Variants in COL4A4 observed in about 807,000 individuals in gnomAD.
COL4A4 encodes the protein collagen type IV alpha 4 chain.
A neutral mutation model predicts 192.9 loss-of-function variants in COL4A4; 105 were observed. The observed-to-expected ratio is 0.54, with a 90% CI of 0.46 to 0.64. The LOEUF is 0.64. COL4A4 is among the 30% of genes least tolerant of loss of function. The pLI is 0.00. For synonymous variants in COL4A4, 762 were observed against 769.9 expected, an observed-to-expected ratio of 0.99 and a Z score of 0.17; for missense variants, 1,967 against 2,169.3, an observed-to-expected ratio of 0.91 and a Z score of 1.85.
rs2059121113 is a variant in COL4A4 at position 227,077,929 on chromosome 2, C to T, written c.1952G>A (p.Gly651Asp). The part of the protein sequence containing the change: ...RGHPGVPGHP[G>D]VRGPDGLKGQ... ...CTTCAAGCCATCAGGGCCCCTCACA[C>T]CTGGGTGGCCTGGAACTCCTGGGTG... is the stretch of plus-strand genomic sequence containing the variant. The change falls in exon 25 of 48, where the codon GGT becomes GAT. Residue 651 changes from glycine (G) to aspartate (D), a missense_variant. Physicochemically the swap from Gly to Asp is moderately conservative, Grantham distance 94. Transcript: ENST00000396625. The T allele has an allele frequency of 1.2e-6, 2 of 1,613,552 alleles. No individual in the cohort carries two copies. Among genetic ancestry groups the T allele is most frequent in the Non-Finnish European group, 8.5e-7 (1 of 1,180,004 alleles).
At chr2:227,048,406 T>C (rs58248295) in intron 34 of COL4A4, among the ~76,000 whole-genome samples, 8,441 of 152,202 alleles carry the variant, frequency 0.055, 752 homozygotes, top group African/African-American at 0.19. Context: ...AAGTGAGAAT[T>C]TGAAGTCCTT....
At chr2:227,107,163 G>A (rs2060895891) in intron 12 of COL4A4, among the ~76,000 whole-genome samples, 2 of 152,134 alleles carry the variant, frequency 1.3e-5, no homozygotes, top group African/African-American at 4.8e-5. Flanking sequence ...ATTTCTACAA[G>A]CCAGAGATCT....
rs911661371 is a variant in COL4A4 at position 227,066,100 on chromosome 2, C to A, written c.1988-3502G>T. Among the ~76,000 whole-genome samples the A allele has an allele frequency of 2.6e-5, 4 of 152,182 alleles. 1 individual carries two copies. The East Asian group carries it at 5.8e-4, about 22-fold the overall frequency. On this transcript the variant is annotated intron_variant, in intron 25 of 47. Coordinates refer to ENST00000396625, the MANE Select transcript of COL4A4 (RefSeq NM_000092.5). ...AATGCAGAAGCCTCAGGAGCCGATGCGATCAACTGGAACAAAGGGTATCAG... is the reference window on the plus strand; with the variant it reads ...AATGCAGAAGCCTCAGGAGCCGATGAGATCAACTGGAACAAAGGGTATCAG...
intron 24 of COL4A4, among the ~76,000 whole-genome samples, chr2:227,079,887 C>A (rs1168105675): frequency 6.6e-6 from 1 of 152,172 alleles, no homozygotes; most frequent in Non-Finnish European, 1.5e-5. Flanking sequence ...TCATCCTCTT[C>A]TTTTATGACC....
chr2:227,019,418 C>T (rs577609667), intron 44 of COL4A4, among the ~76,000 whole-genome samples: 6 of 152,156 alleles, frequency 3.9e-5, no homozygotes, highest in Non-Finnish European at 7.3e-5. Flanking sequence ...AGTTCCTGGA[C>T]CAGGACCACA....
At chr2:227,046,854 A>G (rs1247580204) in intron 35 of COL4A4, among the ~76,000 whole-genome samples, 1 of 152,014 alleles carries the variant, frequency 6.6e-6, no homozygotes, top group Admixed American at 6.6e-5. Context: ...ACAAGAACTC[A>G]ATGGTGCATC....
the COL4A4 span, among the ~76,000 whole-genome samples, chr2:226,978,944 G>T: frequency 6.6e-6 from 1 of 152,170 alleles, no homozygotes; most frequent in Non-Finnish European, 1.5e-5. Context: ...GTTTAGGGTT[G>T]TGTTAGAGTT....
Position 227,094,110 on chromosome 2 carries a change from TAAG to T in COL4A4, c.1369+12_1369+14del, listed in dbSNP as rs769524213. On this transcript the variant is annotated intron_variant, in intron 20 of 47. Transcript: ENST00000396625. ...CAGCATAAATGCTAATGGATATGAA[TAAG>T]GAGTACTTTACCACTTGATCCTGGG... 1 of 1,611,602 alleles carries T rather than the reference TAAG, an allele frequency of 6.2e-7. No homozygotes were observed. Among genetic ancestry groups the T allele is most frequent in the Non-Finnish European group, 8.5e-7 (1 of 1,178,082 alleles).
downstream of COL4A4, chr2:226,999,268 A>C (rs1426965512): frequency 6.6e-6 from 1 of 152,116 alleles, no homozygotes; most frequent in Non-Finnish European, 1.5e-5. Context: ...CCTGGTGCTT[A>C]TTGATATCAT....
the COL4A4 span, chr2:226,988,573 A>C: frequency 2.9e-6 from 4 of 1,383,384 alleles, no homozygotes; most frequent in Non-Finnish European, 3.7e-6. Context: ...TGGAATCTGC[A>C]TCAGAAACAT....
At chr2:227,132,814 G>T (rs1218458368) in intron 4 of COL4A4, among the ~76,000 whole-genome samples, 1 of 152,070 alleles carries the variant, frequency 6.6e-6, no homozygotes, top group African/African-American at 2.4e-5. Context: ...GTGTTATAGA[G>T]AAATAAGCAC....
intron 38 of COL4A4, 116 bp downstream of exon 38, chr2:227,033,292 GTT>G: frequency 2.4e-6 from 2 of 839,574 alleles, no homozygotes; most frequent in East Asian, 5.2e-5. Flanking sequence ...ACCTAAGCCA[GTT>G]TTTTTCAGTT....
intron 7 of COL4A4, among the ~76,000 whole-genome samples, chr2:227,116,381 G>T (rs753770584): frequency 4.6e-5 from 7 of 152,164 alleles, no homozygotes; most frequent in Non-Finnish European, 7.4e-5. Flanking sequence ...TGGGACTAAT[G>T]GGTCAGTTTC....
At chr2:227,011,167 C>A (rs1963613121) in intron 45 of COL4A4, among the ~76,000 whole-genome samples, 1 of 152,182 alleles carries the variant, frequency 6.6e-6, no homozygotes, top group East Asian at 1.9e-4. Flanking sequence ...AGGGGCTGAA[C>A]TATTGCAGAA....
chr2:226,996,927 A>ATTT, the COL4A4 span: 1 of 152,216 alleles, frequency 6.6e-6, no homozygotes, highest in South Asian at 2.1e-4. Flanking sequence ...CACAATTTTA[A>ATTT]AGTCACCTGT....
chr2:227,052,347 C>T lies in COL4A4; in HGVS notation c.2926G>A (p.Glu976Lys). The T allele has an allele frequency of 6.2e-7, 1 of 1,613,176 alleles. No homozygotes were observed. Among genetic ancestry groups the T allele is most frequent in the Non-Finnish European group, 8.5e-7 (1 of 1,179,102 alleles). Residue 976 changes from glutamate (E) to lysine (K), a missense_variant, in exon 32 of 48, where the codon GAA becomes AAA. Physicochemically the swap from Glu to Lys is moderately conservative, Grantham distance 56. Transcript: ENST00000396625. ...AIISQKGTPG[E>K]PGPPGDDGFP... ...CCATCATCTCCAGGAGGTCCAGGTT[C>T]CCCAGGTGTTCCCTTTTGTGAAATG...
intron 12 of COL4A4, among the ~76,000 whole-genome samples, chr2:227,104,719 C>A (rs530868678): frequency 6.8e-6 from 1 of 146,716 alleles, no homozygotes; most frequent in South Asian, 2.2e-4. Context: ...CGGCTCACAG[C>A]AACCTCCGCC....
At chr2:226,994,151 T>C in the COL4A4 span, among the ~76,000 whole-genome samples, 2 of 152,306 alleles carry the variant, frequency 1.3e-5, no homozygotes, top group East Asian at 3.9e-4. Context: ...GGCAATGAGT[T>C]GTGTCAGAAC....
intron 19 of COL4A4, among the ~76,000 whole-genome samples, chr2:227,095,887 G>C (rs979340546): frequency 6.6e-6 from 1 of 152,078 alleles, no homozygotes; most frequent in African/African-American, 2.4e-5. Flanking sequence ...TAGGCAACAA[G>C]AGCGAAGCTC....
Sources: gnomAD v4.1 joint callset for allele counts (sites outside exome capture counted in the v4.1 genomes callset) on GRCh38, gnomAD v4.1.1 for gene constraint, MANE v1.5 for transcripts, NCBI Gene and HGNC (gene_info 2026-07-23, HGNC 2026-07-21) for gene names.